FGGY: variants seen among roughly 807,000 people sequenced by gnomAD.
FGGY encodes FGGY carbohydrate kinase domain-containing protein.
Under a neutral mutation model 71.3 loss-of-function variants are expected in FGGY, and 72 were observed. That is an observed-to-expected ratio of 1.01 (90% CI 0.84 to 1.23). FGGY has a LOEUF of 1.23. Ranked by LOEUF, FGGY falls within the 50% of genes most tolerant of loss-of-function variation. FGGY has a pLI of 0.00. For synonymous variants in FGGY, 251 were observed against 250.3 expected, an observed-to-expected ratio of 1.00 and a Z score of -0.02; for missense variants, 668 against 682.3, an observed-to-expected ratio of 0.98 and a Z score of 0.23.
chr1:59,530,620 T>C (rs888469946), intron 7 of FGGY, among the ~76,000 whole-genome samples: 1 of 151,996 alleles, frequency 6.6e-6, no homozygotes, highest in African/African-American at 2.4e-5. Flanking sequence ...TAAAGATGAA[T>C]TGGAGGGAGA....
chr1:59,653,881 A>G (rs1558690724), intron 11 of FGGY, among the ~76,000 whole-genome samples: 1 of 152,024 alleles, frequency 6.6e-6, no homozygotes. Flanking sequence ...TTCCTCTTCT[A>G]CTGTGTCGCT....
chr1:59,705,097 A>G (rs553601485), intron 14 of FGGY, among the ~76,000 whole-genome samples: 3 of 152,132 alleles, frequency 2.0e-5, no homozygotes, highest in East Asian at 3.9e-4. Context: ...TCATTTTCCT[A>G]TAGGGTTGTT....
rs537344865 is a variant in FGGY at position 59,609,371 on chromosome 1, T to C, written c.1011+1461T>C. 4.6e-5 allele frequency among the ~76,000 whole-genome samples: 7 copies of C among 152,358 alleles called. No individual in the cohort carries two copies. The South Asian group carries it at 1.4e-3, about 32-fold the overall frequency. ...TGTGGACATGTTCATAACTCAGTTG[T>C]AAAAATCTCTGCTTAGAAGCCATGA... On this transcript the variant is annotated intron_variant, in intron 9 of 15. Transcript: ENST00000303721.
At chr1:59,306,783 A>G (rs893542184) in intron 1 of FGGY, among the ~76,000 whole-genome samples, 2 of 152,242 alleles carry the variant, frequency 1.3e-5, no homozygotes, top group African/African-American at 4.8e-5. Context: ...TGACATATGT[A>G]TAGAGTGCAC....
intron 13 of FGGY, among the ~76,000 whole-genome samples, chr1:59,669,716 G>A (rs969552328): frequency 2.0e-5 from 3 of 152,034 alleles, no homozygotes; most frequent in African/African-American, 7.2e-5. Context: ...CCTTCTGATA[G>A]CCAAAAAACT....
At chr1:59,310,569 C>T (rs2044135294) in intron 1 of FGGY, among the ~76,000 whole-genome samples, 1 of 152,238 alleles carries the variant, frequency 6.6e-6, no homozygotes. Context: ...CGACTATCTC[C>T]CTTTCTGTCT....
intron 14 of FGGY, among the ~76,000 whole-genome samples, chr1:59,683,817 G>C (rs539795313): frequency 1.3e-5 from 2 of 152,338 alleles, no homozygotes; most frequent in African/African-American, 4.8e-5. Context: ...TAGTAATTAA[G>C]TGCTATATAA....
chr1:59,700,992 T>C (rs1029542562), intron 14 of FGGY, among the ~76,000 whole-genome samples: 9 of 152,322 alleles, frequency 5.9e-5, no homozygotes, highest in African/African-American at 1.9e-4. Flanking sequence ...AGGAGAATAC[T>C]GTGGGGCTCC....
At chr1:59,635,895 A>G (rs2096954070) in intron 10 of FGGY, among the ~76,000 whole-genome samples, 1 of 152,204 alleles carries the variant, frequency 6.6e-6, no homozygotes, top group Non-Finnish European at 1.5e-5. Context: ...CCATGGCTTC[A>G]GAATCACAAG....
At chr1:59,465,205 A>C (rs2092541047) in intron 6 of FGGY, among the ~76,000 whole-genome samples, 1 of 152,266 alleles carries the variant, frequency 6.6e-6, no homozygotes, top group Non-Finnish European at 1.5e-5. Flanking sequence ...AGGCGGTTCC[A>C]CATATGCAAA....
At chr1:59,481,308 C>T (rs1287482737) in intron 6 of FGGY, among the ~76,000 whole-genome samples, 1 of 151,882 alleles carries the variant, frequency 6.6e-6, no homozygotes, top group African/African-American at 2.4e-5. Flanking sequence ...GAGCATCAAC[C>T]CTGTGTCATA....
intron 10 of FGGY, among the ~76,000 whole-genome samples, chr1:59,628,048 A>C (rs1030061838): frequency 1.3e-5 from 2 of 152,226 alleles, no homozygotes; most frequent in African/African-American, 4.8e-5. Context: ...AGAATCATTA[A>C]TGGATGCTAA....
chr1:59,342,780 C>T (rs995841235), intron 3 of FGGY, among the ~76,000 whole-genome samples: 1 of 152,126 alleles, frequency 6.6e-6, no homozygotes, highest in Non-Finnish European at 1.5e-5. Context: ...ATGCAGATAA[C>T]CTAAAACCAA....
intron 5 of FGGY, among the ~76,000 whole-genome samples, chr1:59,403,575 A>G (rs946104186): frequency 6.6e-6 from 1 of 152,228 alleles, no homozygotes; most frequent in African/African-American, 2.4e-5. Context: ...AGGATGATCA[A>G]GAATCTGCCA....
intron 4 of FGGY, among the ~76,000 whole-genome samples, chr1:59,365,962 G>A (rs115834038): frequency 1.0e-3 from 152 of 152,296 alleles, no homozygotes; most frequent in African/African-American, 3.6e-3. Flanking sequence ...GGTGAGGACG[G>A]CAATCAAAAT....
chr1:59,574,000 A>G (rs1362225607), intron 8 of FGGY, among the ~76,000 whole-genome samples: 1 of 152,106 alleles, frequency 6.6e-6, no homozygotes, highest in African/African-American at 2.4e-5. Context: ...TTATCTGTGT[A>G]TGTATGTTTG....
intron 1 of FGGY, among the ~76,000 whole-genome samples, chr1:59,297,594 G>A (rs188881111): frequency 2.1e-3 from 323 of 152,200 alleles, no homozygotes; most frequent in Admixed American, 7.1e-3. Context: ...AGGCCAAGGC[G>A]GGTGGATCAC....
At chr1:59,673,618 G>A (rs1057431389) in intron 13 of FGGY, 8 of 183,528 alleles carry the variant, frequency 4.4e-5, no homozygotes, top group East Asian at 1.4e-4. Context: ...AACCCCCTCC[G>A]TAGCCTTCAT....
intron 14 of FGGY, among the ~76,000 whole-genome samples, chr1:59,691,112 G>A (rs549325381): frequency 2.6e-5 from 4 of 152,224 alleles, no homozygotes; most frequent in African/African-American, 9.6e-5. Context: ...GGTGAACTGT[G>A]TCTCTGGCTT....
Sources: allele counts gnomAD v4.1 joint callset (sites outside exome capture counted in the v4.1 genomes callset), GRCh38; gene constraint gnomAD v4.1.1; transcripts MANE v1.5; gene names NCBI Gene and HGNC (gene_info 2026-07-23, HGNC 2026-07-21).